The following TAS2R1 variants were observed in gnomAD, a reference collection of about 807,000 sequenced individuals.
The protein encoded by TAS2R1 is taste 2 receptor member 1.
For missense variants in TAS2R1, 370 were observed against 353.4 expected (o/e 1.05, Z -0.38); for synonymous variants, 141 against 134.2 (o/e 1.05, Z -0.35).
At chr5:9,829,227 A>G in the TAS2R1 span, among the ~76,000 whole-genome samples, 2 of 152,244 alleles carry the variant, frequency 1.3e-5, no homozygotes, top group East Asian at 3.8e-4. Flanking sequence ...CTCTGAGATA[A>G]AAATTTTGAA....
chr5:9,697,354 C>G (rs1045761469), intron 1 of TAS2R1, among the ~76,000 whole-genome samples: 8 of 151,368 alleles, frequency 5.3e-5, no homozygotes, highest in Non-Finnish European at 8.8e-5. Flanking sequence ...TTTGAACCTC[C>G]AAAGAAAGAA....
chr5:9,670,124 T>G (rs968691540), intron 1 of TAS2R1, among the ~76,000 whole-genome samples: 2 of 151,992 alleles, frequency 1.3e-5, no homozygotes, highest in Non-Finnish European at 2.9e-5. Flanking sequence ...TATGAACACC[T>G]CTATGCACAC....
At chr5:9,755,268 G>A in the TAS2R1 span, among the ~76,000 whole-genome samples, 1 of 152,134 alleles carries the variant, frequency 6.6e-6, no homozygotes, top group Non-Finnish European at 1.5e-5. Flanking sequence ...ATACAGTAAA[G>A]TGAAAGCAAC....
intron 1 of TAS2R1, among the ~76,000 whole-genome samples, chr5:9,705,627 G>A (rs1243548215): frequency 2.0e-5 from 3 of 152,152 alleles, no homozygotes; most frequent in Admixed American, 6.5e-5. Flanking sequence ...GGAAGGCTGA[G>A]GTGGGCAGAA....
At chr5:9,841,510 G>A in the TAS2R1 span, among the ~76,000 whole-genome samples, 13 of 152,136 alleles carry the variant, frequency 8.5e-5, no homozygotes, top group Admixed American at 7.9e-4. Flanking sequence ...ATCATGAGTT[G>A]TAATATAATT....
At chr5:9,692,657 G>A (rs139213111) in intron 1 of TAS2R1, among the ~76,000 whole-genome samples, 3 of 152,206 alleles carry the variant, frequency 2.0e-5, no homozygotes, top group Non-Finnish European at 4.4e-5. Context: ...CCTAATATAG[G>A]GCATTGTCTT....
chr5:9,869,063 T>G, the TAS2R1 span, among the ~76,000 whole-genome samples: 32 of 152,282 alleles, frequency 2.1e-4, no homozygotes, highest in East Asian at 6.0e-3. Flanking sequence ...CCTCCAAGTC[T>G]CTAGGAAGTT....
chr5:9,638,270 G>T (rs1404475155), intron 2 of TAS2R1, among the ~76,000 whole-genome samples: 1 of 152,224 alleles, frequency 6.6e-6, no homozygotes, highest in Non-Finnish European at 1.5e-5. Flanking sequence ...AGAGTCCTGT[G>T]ATGTGATCTG....
At chr5:9,793,863 C>G in the TAS2R1 span, among the ~76,000 whole-genome samples, 8 of 152,066 alleles carry the variant, frequency 5.3e-5, 1 homozygote, top group African/African-American at 1.7e-4. Context: ...GGTGTGGTAC[C>G]CAGACCCTGT....
chr5:9,701,038 C>CA (rs775489829), intron 1 of TAS2R1, among the ~76,000 whole-genome samples: 7 of 141,524 alleles, frequency 4.9e-5, no homozygotes, highest in Non-Finnish European at 1.0e-4. Flanking sequence ...CAACATTTCT[C>CA]AAAAAAATGA....
the TAS2R1 span, among the ~76,000 whole-genome samples, chr5:9,825,244 G>T: frequency 6.6e-6 from 1 of 152,172 alleles, no homozygotes; most frequent in Non-Finnish European, 1.5e-5. Flanking sequence ...AAGGAAAGAG[G>T]TTTAACAGAC....
intron 1 of TAS2R1, among the ~76,000 whole-genome samples, chr5:9,703,200 C>T (rs1171436631): frequency 1.3e-5 from 2 of 152,124 alleles, no homozygotes; most frequent in East Asian, 1.9e-4. Context: ...GCAGTGAAGA[C>T]ATCTCATGTG....
chr5:9,872,446 A>G, the TAS2R1 span, among the ~76,000 whole-genome samples: 110,553 of 152,052 alleles, frequency 0.73, 40,346 homozygotes, highest in African/African-American at 0.81. Flanking sequence ...GTGCAAAAAA[A>G]GTAATTCAAA....
chr5:9,707,358 C>T (rs1741637779), intron 1 of TAS2R1, among the ~76,000 whole-genome samples: 1 of 152,192 alleles, frequency 6.6e-6, no homozygotes, highest in Non-Finnish European at 1.5e-5. Context: ...CGCCCATCCT[C>T]ATCATCCAGG....
the TAS2R1 span, among the ~76,000 whole-genome samples, chr5:9,720,395 C>A: frequency 6.6e-6 from 1 of 152,228 alleles, no homozygotes; most frequent in African/African-American, 2.4e-5. Flanking sequence ...GGGACATCTT[C>A]TCATGGCAAT....
chr5:9,692,534 T>A (rs1207231884), intron 1 of TAS2R1, among the ~76,000 whole-genome samples: 3 of 152,202 alleles, frequency 2.0e-5, no homozygotes, highest in African/African-American at 4.8e-5. Context: ...AAGATGTTCA[T>A]CCCAAACTGC....
chr5:9,727,077 A>C, the TAS2R1 span, among the ~76,000 whole-genome samples: 13 of 152,234 alleles, frequency 8.5e-5, no homozygotes, highest in Non-Finnish European at 1.6e-4. Context: ...AATTCCAGTC[A>C]CAGCAGTTCC....
At chr5:9,700,727 T>C (rs1290282288) in intron 1 of TAS2R1, among the ~76,000 whole-genome samples, 4 of 138,600 alleles carry the variant, frequency 2.9e-5, no homozygotes, top group Non-Finnish European at 1.6e-5. Flanking sequence ...TTTTCTCTGT[T>C]TTCTCTGTGG....
the TAS2R1 span, among the ~76,000 whole-genome samples, chr5:9,726,622 T>C: frequency 0.21 from 32,543 of 152,046 alleles, 3,915 homozygotes; most frequent in African/African-American, 0.33. Context: ...GGAAGAAACT[T>C]CGAACACATC....
Sources: gnomAD v4.1 joint callset for allele counts (sites outside exome capture counted in the v4.1 genomes callset) on GRCh38, gnomAD v4.1.1 for gene constraint, MANE v1.5 for transcripts, NCBI Gene and HGNC (gene_info 2026-07-23, HGNC 2026-07-21) for gene names.